The following ATP8B4 variants were observed in gnomAD, a reference collection of about 807,000 sequenced individuals.
The protein encoded by ATP8B4 is ATPase phospholipid transporting 8B4 (putative).
In ATP8B4, 133 loss-of-function variants were observed where a neutral mutation model predicts 145.6. The observed-to-expected ratio is 0.91, with a 90% CI of 0.79 to 1.05. ATP8B4 has a LOEUF of 1.05. ATP8B4 is among the 50% of genes least tolerant of loss of function. The pLI is 0.00. For missense variants in ATP8B4, 1,458 were observed against 1,425.2 expected, an observed-to-expected ratio of 1.02 and a Z score of -0.37; for synonymous variants, 507 against 492.9, an observed-to-expected ratio of 1.03 and a Z score of -0.38.
chr15:50,177,798 T>A (rs756705847), intron 1 of ATP8B4, among the ~76,000 whole-genome samples: 2 of 152,212 alleles, frequency 1.3e-5, no homozygotes, highest in Non-Finnish European at 2.9e-5. Flanking sequence ...AGATGGGGCT[T>A]AATAAACTAT....
chr15:50,070,303 G>GA (rs1389799644), intron 3 of ATP8B4, among the ~76,000 whole-genome samples: 1 of 151,318 alleles, frequency 6.6e-6, no homozygotes, highest in Admixed American at 6.6e-5. Flanking sequence ...CCGTTTAGGG[G>GA]TTAAAAAAAA....
At chr15:50,106,193 C>A (rs1470396966) in intron 2 of ATP8B4, among the ~76,000 whole-genome samples, 2 of 152,130 alleles carry the variant, frequency 1.3e-5, no homozygotes, top group African/African-American at 4.8e-5. Flanking sequence ...AAACTCTAAT[C>A]CAGCCTTTAG....
intron 5 of ATP8B4, among the ~76,000 whole-genome samples, chr15:50,044,000 A>G (rs1278904170): frequency 6.6e-6 from 1 of 152,022 alleles, no homozygotes; most frequent in East Asian, 1.9e-4. Flanking sequence ...TAATAAATAT[A>G]ACATACAAAA....
intron 3 of ATP8B4, among the ~76,000 whole-genome samples, chr15:50,068,190 G>C (rs1218383244): frequency 6.6e-6 from 1 of 152,158 alleles, no homozygotes; most frequent in Non-Finnish European, 1.5e-5. Context: ...GAAGTTTGCT[G>C]ACTGTGGAAA....
At chr15:49,998,923 G>A (rs1486858682) in intron 8 of ATP8B4, among the ~76,000 whole-genome samples, 1 of 131,138 alleles carries the variant, frequency 7.6e-6, no homozygotes, top group South Asian at 2.5e-4. Flanking sequence ...TGTATAAGGT[G>A]TAAGGAAGGG....
chr15:49,971,452 T>C (rs996749358), intron 13 of ATP8B4, among the ~76,000 whole-genome samples: 3 of 151,548 alleles, frequency 2.0e-5, no homozygotes, highest in Non-Finnish European at 4.4e-5. Context: ...CATCAAAAAG[T>C]GGGCAAAGGA....
At chr15:50,152,150 T>A (rs1297535984) in intron 1 of ATP8B4, among the ~76,000 whole-genome samples, 3 of 152,218 alleles carry the variant, frequency 2.0e-5, no homozygotes, top group African/African-American at 4.8e-5. Context: ...TAGAAACCTG[T>A]ATTTAAGAGT....
At chr15:49,945,085 T>A (rs117448429) in intron 14 of ATP8B4, among the ~76,000 whole-genome samples, 1 of 152,044 alleles carries the variant, frequency 6.6e-6, no homozygotes, top group East Asian at 1.9e-4. Context: ...TAAATGCATA[T>A]AATTAAAAGA....
intron 26 of ATP8B4, among the ~76,000 whole-genome samples, chr15:49,862,912 T>C (rs1202979561): frequency 6.6e-6 from 1 of 152,198 alleles, no homozygotes; most frequent in East Asian, 1.9e-4. Context: ...CTCAGTCTAA[T>C]ATCACTCACG....
At chr15:50,121,247 C>T (rs1373331722), upstream of ATP8B4, among the ~76,000 whole-genome samples, 2 of 152,076 alleles carry the variant, frequency 1.3e-5, no homozygotes, top group Admixed American at 6.6e-5. Flanking sequence ...TGAATAATGT[C>T]GAATGAATAA....
At chr15:50,076,469 C>T (rs186286929) in intron 2 of ATP8B4, among the ~76,000 whole-genome samples, 25 of 150,566 alleles carry the variant, frequency 1.7e-4, no homozygotes, top group South Asian at 6.3e-4. Context: ...CCCAGCCTGG[C>T]GACAGAGCAA....
chr15:49,976,070 C>T (rs978719595), intron 12 of ATP8B4, among the ~76,000 whole-genome samples: 1 of 152,026 alleles, frequency 6.6e-6, no homozygotes, highest in African/African-American at 2.4e-5. Flanking sequence ...CCTATGTTTC[C>T]CTCCCCAAAA....
At chr15:49,865,663 A>C (rs143616629) in intron 26 of ATP8B4, among the ~76,000 whole-genome samples, 2,851 of 152,306 alleles carry the variant, frequency 0.019, 98 homozygotes, top group African/African-American at 0.066. Context: ...TGGTGGGAAG[A>C]AATCCCTACT....
intron 25 of ATP8B4, among the ~76,000 whole-genome samples, chr15:49,872,892 G>A (rs1171960337): frequency 2.6e-5 from 4 of 152,104 alleles, no homozygotes; most frequent in Admixed American, 2.6e-4. Flanking sequence ...TTATACCAAT[G>A]CTAATTTCAT....
chr15:49,875,220 G>C (rs981419915), intron 25 of ATP8B4, among the ~76,000 whole-genome samples: 2 of 152,194 alleles, frequency 1.3e-5, no homozygotes, highest in Non-Finnish European at 2.9e-5. Context: ...TAACAGGACA[G>C]TATGAAGAAT....
At chr15:49,998,212 T>G (rs1432270890) in intron 8 of ATP8B4, among the ~76,000 whole-genome samples, 2 of 152,188 alleles carry the variant, frequency 1.3e-5, no homozygotes, top group African/African-American at 4.8e-5. Context: ...CACACAGGCC[T>G]TCTTGATACT....
intron 1 of ATP8B4, among the ~76,000 whole-genome samples, chr15:50,158,008 C>T (rs1288836303): frequency 6.6e-6 from 1 of 152,256 alleles, no homozygotes; most frequent in Non-Finnish European, 1.5e-5. Context: ...CCGCCAGCCT[C>T]GGCCTCCTGA....
In ATP8B4 at chr15:49,866,390, C is replaced by T; in HGVS notation, c.3122G>A (p.Ser1041Asn). The stretch of plus-strand genomic sequence containing the variant: ...TGGGAAGATGCCAAAGATGCCATTA[C>T]TGTGCATTGTAAATAAAATGGAGAA... ...IYFSILFTMH[S>N]NGIFGIFPNQ... Residue 1041 changes from serine to asparagine, a missense_variant, in exon 26 of 28, where the codon AGT becomes AAT. Coordinates refer to ENST00000284509, the MANE Select transcript of ATP8B4 (RefSeq NM_024837.4). 6.2e-7 allele frequency: 1 copy of T among 1,614,016 alleles called. No individual in the cohort carries two copies. The highest frequency in any genetic ancestry group is 8.5e-7 in the Non-Finnish European group (1 of 1,179,894).
intron 12 of ATP8B4, among the ~76,000 whole-genome samples, chr15:49,974,669 T>G (rs1278291859): frequency 6.6e-6 from 1 of 152,216 alleles, no homozygotes; most frequent in African/African-American, 2.4e-5. Flanking sequence ...TACAGACATC[T>G]ACATTTTTCT....
Sources: gnomAD v4.1 joint callset for allele counts (sites outside exome capture counted in the v4.1 genomes callset) on GRCh38, gnomAD v4.1.1 for gene constraint, MANE v1.5 for transcripts, NCBI Gene and HGNC (gene_info 2026-07-23, HGNC 2026-07-21) for gene names.